DYNC2H1: variants seen among roughly 807,000 people sequenced by gnomAD.
The protein encoded by DYNC2H1 is cytoplasmic dynein 2 heavy chain 1.
A neutral mutation model predicts 570.0 loss-of-function variants in DYNC2H1; 410 were observed. The ratio of observed to expected loss-of-function variants is 0.72; its 90% CI spans 0.66 to 0.78. DYNC2H1 has a LOEUF of 0.78. Ranked by LOEUF, DYNC2H1 falls within the 30% of genes least tolerant of loss-of-function variation. The probability of loss-of-function intolerance (pLI) is 0.00; values close to 1 mark genes in which losing one functional copy is unlikely to be tolerated. For missense variants in DYNC2H1, 4,865 were observed against 5,046.4 expected (o/e 0.96, Z 1.09); for synonymous variants, 1,688 against 1,677.6 (o/e 1.01, Z -0.15).
In DYNC2H1 at chr11:103,170,910, C is replaced by T. The variant is rs772321133; in HGVS notation, c.5176C>T (p.Arg1726Ter). 1.4e-5 allele frequency: 22 copies of T among 1,570,986 alleles called. No individual in the cohort carries two copies. Among genetic ancestry groups the T allele is most frequent in the Admixed American group, 3.5e-5 (2 of 57,240 alleles). Reference protein sequence around the residue: ...DEGIDVKSMGRIFVGLVKCGA... With the variant: ...DEGIDVKSMG ...GGGCATCGATGTGAAGTCAATGGGACGAATATTTGTTGGTTTGGTGAAGTG... is the reference window on the plus strand; with the variant it reads ...GGGCATCGATGTGAAGTCAATGGGATGAATATTTGTTGGTTTGGTGAAGTG... Residue 1726 changes from arginine (R) to a stop codon, truncating the protein, a stop_gained, in exon 34 of 89, where the codon CGA (arginine) becomes TGA (stop). Coordinates refer to ENST00000375735, the MANE Select transcript of DYNC2H1 (RefSeq NM_001377.3). LOFTEE classifies it high-confidence loss of function. The surrounding 1 kb of genome is among the most constrained non-coding windows in gnomAD (Gnocchi z 4.8).
intron 87 of DYNC2H1, among the ~76,000 whole-genome samples, 170 bp downstream of exon 87, chr11:103,456,526 A>G (rs1944795251): frequency 6.6e-6 from 1 of 152,214 alleles, no homozygotes; most frequent in South Asian, 2.1e-4. Flanking sequence ...AACAACTTGT[A>G]ATAGAAAATA....
chr11:103,295,961 C>T (rs1866805961), intron 75 of DYNC2H1, among the ~76,000 whole-genome samples: 1 of 152,124 alleles, frequency 6.6e-6, no homozygotes, highest in South Asian at 2.1e-4. Flanking sequence ...CTCCTGATTC[C>T]TGCAACAGTA....
At chr11:103,131,251 C>G (rs1859251239) in intron 13 of DYNC2H1, among the ~76,000 whole-genome samples, 1 of 151,940 alleles carries the variant, frequency 6.6e-6, no homozygotes, top group South Asian at 2.1e-4. Context: ...GAACTCATGA[C>G]AAAAAGGATA....
rs773863287 is a variant in DYNC2H1 at position 103,120,970 on chromosome 11, A to G, written c.1294A>G (p.Thr432Ala). ...LKYKELVKRP[T>A]ISKELMLERE... ...ATATAAAGAGTTGGTAAAGCGTCCA[A>G]CTATAAGCAAAGAATTGATGTTAGA... Residue 432 changes from threonine (T) to alanine (A), a missense_variant, in exon 9 of 89, where the codon ACT (threonine) becomes GCT (alanine). Transcript: ENST00000375735. 8.4e-5 allele frequency: 133 copies of G among 1,583,820 alleles called. No individual in the cohort carries two copies. The highest frequency in any genetic ancestry group is 1.1e-4 in the Non-Finnish European group (127 of 1,166,572).
rs1317478067 is a variant in DYNC2H1, at chr11:103,461,382, C to A, written c.12648+5026C>A. Among the ~76,000 whole-genome samples the A allele has an allele frequency of 1.3e-5, 2 of 152,098 alleles. No individual in the cohort carries two copies. The highest frequency in any genetic ancestry group is 2.9e-5 in the Non-Finnish European group (2 of 68,020). On this transcript the variant is annotated intron_variant, in intron 87 of 88. Transcript: ENST00000375735. This position sits in a 1 kb window ranked among gnomAD's most constrained non-coding sequence, Gnocchi z 4.8. Reference sequence around the variant, plus strand: ...TCTCCAAACCGATCAATATCTTAAACCCTTTAGACCTACTTGAGAGAACAT... The same window carrying A: ...TCTCCAAACCGATCAATATCTTAAAACCTTTAGACCTACTTGAGAGAACAT...
intron 2 of DYNC2H1, 40 bp from the exon 3 acceptor site, chr11:103,114,063 T>C (rs1373491763): frequency 1.3e-6 from 2 of 1,593,296 alleles, no homozygotes; most frequent in Non-Finnish European, 1.7e-6. Flanking sequence ...ATTAGCAAAA[T>C]TTTGATCAAT....
rs758380943 is a variant in DYNC2H1 at position 103,222,012 on chromosome 11, A to C, written c.9108-18A>C. 1 of 1,601,774 alleles carries C rather than the reference A, an allele frequency of 6.2e-7. No individual in the cohort carries two copies. Among genetic ancestry groups the C allele is most frequent in the Non-Finnish European group, 8.5e-7 (1 of 1,176,286 alleles). On this transcript the variant is annotated intron_variant, in intron 57 of 88. Transcript: ENST00000375735. ...AATTTTATTTAGCCTCATTTAAGGA[A>C]ATATGCTTTAATTTTAGTTTCCTTG...
chr11:103,381,187 T>C (rs1171699352), intron 83 of DYNC2H1, among the ~76,000 whole-genome samples: 1 of 152,188 alleles, frequency 6.6e-6, no homozygotes, highest in Non-Finnish European at 1.5e-5. Context: ...GTGGGGACTT[T>C]AGTATTGTGG....
intron 84 of DYNC2H1, among the ~76,000 whole-genome samples, chr11:103,430,046 T>C (rs1943832673): frequency 6.6e-6 from 1 of 152,202 alleles, no homozygotes; most frequent in East Asian, 1.9e-4. Flanking sequence ...AATGGATTAC[T>C]GGTATTGCAC....
chr11:103,289,332 G>T lies in DYNC2H1; in HGVS notation c.11095+1727G>T, dbSNP rs1157809613. Among the ~76,000 whole-genome samples, 1 of 152,056 alleles carries T rather than the reference G, an allele frequency of 6.6e-6. No individual in the cohort carries two copies. The highest frequency in any genetic ancestry group is 1.9e-4 in the East Asian group (1 of 5,186). ...GGCAATGGGCAAGGTGAACCCATTG[G>T]GCACTAAAAAACCATAAGCTAAATT... On this transcript the variant is annotated intron_variant, in intron 75 of 88. Transcript: ENST00000375735. This position sits in a 1 kb window ranked among gnomAD's most constrained non-coding sequence, Gnocchi z 4.2.
At chr11:103,287,486 G>A (rs1444951680) in intron 74 of DYNC2H1, 47 bp from the exon 75 acceptor site, 2 of 1,461,100 alleles carry the variant, frequency 1.4e-6, no homozygotes, top group Non-Finnish European at 1.9e-6. Context: ...AGTTAAAGTA[G>A]TTGCAGCAAC....
Position 103,163,091 on chromosome 11 carries a change from G to A in DYNC2H1, c.4555G>A (p.Val1519Ile). Residue 1519 changes from valine to isoleucine, a missense_variant, in exon 30 of 89, where the codon GTT becomes ATT. Physicochemically the swap from Val to Ile is conservative, Grantham distance 29. This residue lies in a region of DYNC2H1 where 1,936 missense variants were observed against 1,962.1 expected (regional missense o/e 0.99). Transcript: ENST00000375735. The surrounding 1 kb of genome is among the most constrained non-coding windows in gnomAD (Gnocchi z 4.6). ...TTTGGAACAGTTGTTGAAGGAATGT[G>A]TTACTACTGGGCGAAGTTCTCAAGG... ...KTLEQLLKEC[V>I]TTGRSSQGAV... The A allele has an allele frequency of 6.2e-7, 1 of 1,613,330 alleles. No homozygotes were observed. The highest frequency in any genetic ancestry group is 8.5e-7 in the Non-Finnish European group (1 of 1,179,390).
intron 85 of DYNC2H1, among the ~76,000 whole-genome samples, chr11:103,453,701 A>G (rs1485712835): frequency 2.0e-5 from 3 of 150,492 alleles, no homozygotes; most frequent in African/African-American, 7.3e-5. Flanking sequence ...TTAATTTTAC[A>G]GCATTAATGA....
chr11:103,139,514 G>T (rs1187265785), intron 17 of DYNC2H1, among the ~76,000 whole-genome samples: 9 of 152,068 alleles, frequency 5.9e-5, no homozygotes, highest in Non-Finnish European at 1.2e-4. Context: ...TTTCCATGTA[G>T]TTGAGCGGTT....
In DYNC2H1 at chr11:103,245,457, G is replaced by A. The variant is rs1209792350; in HGVS notation, c.10042+83G>A. On this transcript the variant is annotated intron_variant, in intron 65 of 88. Coordinates refer to ENST00000375735, the MANE Select transcript of DYNC2H1 (RefSeq NM_001377.3). This position sits in a 1 kb window ranked among gnomAD's most constrained non-coding sequence, Gnocchi z 4.5. ...TTAAACCAGGTGCAAGCTTTCAAGA[G>A]TCCTCTTCCAGTGGAGTCACACATG... 2.2e-5 allele frequency: 31 copies of A among 1,394,946 alleles called. No individual in the cohort carries two copies. In the Middle Eastern group the frequency reaches 5.6e-4, roughly 25 times the overall value. The allele number at this position is 1,394,946 out of a possible 1,614,324, so 86.4% of individuals were successfully genotyped here. A position where few individuals can be genotyped will look rare whatever the true frequency, so the allele number is the denominator to read the frequency against.
At chr11:103,231,443 CTT>C (rs1864007140) in intron 60 of DYNC2H1, 97 bp downstream of exon 60, 30 of 712,338 alleles carry the variant, frequency 4.2e-5, no homozygotes, top group Non-Finnish European at 6.3e-5. Context: ...GATTTAGACT[CTT>C]ATGTCAGATG....
At chr11:103,424,917 C>G (rs1000945730) in intron 84 of DYNC2H1, among the ~76,000 whole-genome samples, 2 of 152,132 alleles carry the variant, frequency 1.3e-5, no homozygotes, top group African/African-American at 2.4e-5. Context: ...ATCCAATAGA[C>G]ATAATCTTGA....
At chr11:103,399,309 ATTTTT>A (rs771285549) in intron 83 of DYNC2H1, among the ~76,000 whole-genome samples, 1 of 93,746 alleles carries the variant, frequency 1.1e-5, no homozygotes, top group African/African-American at 4.8e-5. Context: ...TATTCGGCTA[ATTTTT>A]TTTTTTTTTT....
At chr11:103,422,332 C>A (rs11225788) in intron 84 of DYNC2H1, among the ~76,000 whole-genome samples, 16,244 of 152,176 alleles carry the variant, frequency 0.11, 1,123 homozygotes, top group African/African-American at 0.2. Context: ...TCTTCCCTAA[C>A]TTATTCTATA....
Sources: allele counts gnomAD v4.1 joint callset (sites outside exome capture counted in the v4.1 genomes callset), GRCh38; gene constraint gnomAD v4.1.1; regional missense constraint gnomAD v4.1.1; non-coding constraint Gnocchi (gnomAD v3.1); transcripts MANE v1.5; gene names NCBI Gene and HGNC (gene_info 2026-07-23, HGNC 2026-07-21).